RHOT2: variants seen among roughly 807,000 people sequenced by gnomAD.
The protein encoded by RHOT2 is ras homolog family member T2.
In RHOT2, 90 loss-of-function variants were observed where a neutral mutation model predicts 81.6. The ratio of observed to expected loss-of-function variants is 1.10; its 90% CI spans 0.93 to 1.31. The LOEUF (loss-of-function observed/expected upper bound fraction) is 1.31. RHOT2 is among the 40% of genes most tolerant of loss of function. The pLI, the probability that RHOT2 is intolerant of heterozygous loss-of-function variation, is 0.00. For synonymous variants in RHOT2, 512 were observed against 370.9 expected (o/e 1.38, Z -4.37); for missense variants, 1,014 against 841.9 (o/e 1.20, Z -2.53).
chr16:669,258 T>G (rs7202316), intron 4 of RHOT2: 17 of 522,672 alleles, frequency 3.3e-5, no homozygotes, highest in Non-Finnish European at 5.9e-5. Context: ...AGGGTCTTGC[T>G]GACCACAGTT....
At chr16:669,437 C>G in intron 4 of RHOT2, 116 bp from the exon 5 acceptor site, 1 of 994,122 alleles carries the variant, frequency 1.0e-6, no homozygotes. Context: ...GAGCTGCACC[C>G]ATGCTACCTG....
At chr16:673,318 G>C in intron 18 of RHOT2, 162 bp from the exon 19 acceptor site, 5 of 1,259,730 alleles carry the variant, frequency 4.0e-6, no homozygotes, top group Non-Finnish European at 5.7e-6. Context: ...GAGGGAGGCA[G>C]TGCCCAGGCA....
In RHOT2 at chr16:670,336, C is replaced by A. The variant is rs137860511; in HGVS notation, c.417C>A (p.Pro139=). ...TGCTCCCCATCATGAGCCAGTTTCC[C>A]GAGATTGAGACCTGCGTGGAGGTGA... The part of the protein sequence containing the change: ...EAVLPIMSQF[P]EIETCVECSA... The change falls in exon 7 of 19, where the codon CCC becomes CCA. Residue 139 remains proline (P), a synonymous_variant. Coordinates refer to ENST00000315082, the MANE Select transcript of RHOT2 (RefSeq NM_138769.3). 5.0e-6 allele frequency: 8 copies of A among 1,612,728 alleles called. No individual in the cohort carries two copies. The highest frequency in any genetic ancestry group is 6.8e-6 in the Non-Finnish European group (8 of 1,179,940).
In RHOT2 at chr16:668,165, G is replaced by T; in HGVS notation, c.-35G>T. 1 of 448,900 alleles carries T rather than the reference G, an allele frequency of 2.2e-6. No homozygotes were observed. The highest frequency in any genetic ancestry group is 3.3e-5 in the East Asian group (1 of 30,120). 27.8% of individuals were successfully genotyped at this position (448,900 alleles called of 1,614,324 possible). On this transcript the variant is annotated 5_prime_UTR_variant, in exon 1 of 19. Coordinates refer to ENST00000315082, the MANE Select transcript of RHOT2 (RefSeq NM_138769.3). Reference sequence around the variant, plus strand: ...AGGCTTGAGGACCAGGTCGGGGCCGGGTTCCGGGTCGGGGAGCGGCTCCGG... The same window carrying T: ...AGGCTTGAGGACCAGGTCGGGGCCGTGTTCCGGGTCGGGGAGCGGCTCCGG...
rs1373522390 is a variant in RHOT2, at chr16:672,282, G to A, written c.1224G>A (p.Glu408=). ...CTCGTGAGAAGAGGCTGGACCAGGA[G>A]AAGGGACAGACGCAGCGGAGCGTCC... ...TVTREKRLDQ[E]KGQTQRSVLL... The change falls in exon 15 of 19, where the codon GAG becomes GAA. Residue 408 remains glutamate, a synonymous_variant. Transcript: ENST00000315082. 3.7e-6 allele frequency: 6 copies of A among 1,612,146 alleles called. No individual in the cohort carries two copies. The highest frequency in any genetic ancestry group is 3.3e-5 in the South Asian group (3 of 91,022).
intron 16 of RHOT2, 59 bp downstream of exon 16, chr16:672,625 G>A (rs1243189353): frequency 2.5e-6 from 4 of 1,609,720 alleles, no homozygotes; most frequent in Non-Finnish European, 3.4e-6. Context: ...ACCCAGGCCT[G>A]CCTGGCAGAT....
rs776447505 is a variant in RHOT2, at chr16:670,966, G to T, written c.714G>T (p.Ala238=). 2 of 1,569,294 alleles carry T rather than the reference G, an allele frequency of 1.3e-6. No individual in the cohort carries two copies. The highest frequency in any genetic ancestry group is 4.5e-5 in the East Asian group (2 of 44,422). ...DVKTVVCRNV[A]GGVREDRLTL... is the part of the protein sequence containing the mutation. ...AGACGGTGGTGTGCAGGAACGTGGC[G>T]GGCGGCGTGCGGGAGGACCGGCTGA... Residue 238 remains alanine, a synonymous_variant, in exon 10 of 19, where the codon GCG becomes GCT. Coordinates refer to ENST00000315082, the MANE Select transcript of RHOT2 (RefSeq NM_138769.3).
rs1359544973 is a variant in RHOT2 at position 668,402 on chromosome 16, C to T, written c.87C>T (p.Phe29=). The change falls in exon 2 of 19, where the codon TTC becomes TTT. Residue 29 remains phenylalanine, a synonymous_variant. Coordinates refer to ENST00000315082, the MANE Select transcript of RHOT2 (RefSeq NM_138769.3). ...TCCTGTCCCTGGTGGGCGAGGAGTT[C>T]CCCGAGGAGGTAAGGGGCACGCCCG... ...SLILSLVGEE[F]PEEVPPRAEE... 2 of 1,487,808 alleles carry T rather than the reference C, an allele frequency of 1.3e-6. No homozygotes were observed. Among genetic ancestry groups the T allele is most frequent in the East Asian group, 5.0e-5 (2 of 39,686 alleles). 92.2% of individuals were successfully genotyped at this position (1,487,808 alleles called of 1,614,324 possible). A position where few individuals can be genotyped will look rare whatever the true frequency, so the allele number is the denominator to read the frequency against.
intron 5 of RHOT2, 132 bp from the exon 6 acceptor site, chr16:669,991 C>T (rs1371884695): frequency 3.8e-6 from 3 of 796,838 alleles, no homozygotes; most frequent in Non-Finnish European, 5.8e-6. Context: ...AGCTTTGTTC[C>T]TGTGGCCGGG....
chr16:671,521 G>C (rs561803886), intron 11 of RHOT2, among the ~76,000 whole-genome samples, 176 bp from the exon 12 acceptor site: 1 of 152,164 alleles, frequency 6.6e-6, no homozygotes, highest in Non-Finnish European at 1.5e-5. Context: ...CCACGTGCTG[G>C]AGCCAGGTGG....
Position 672,563 on chromosome 16 carries a change from G to A in RHOT2, c.1401G>A (p.Leu467=), listed in dbSNP as rs200387665. 32 of 1,612,552 alleles carry A rather than the reference G, an allele frequency of 2.0e-5. 1 individual carries two copies. In the African/African-American group the frequency reaches 2.0e-4, roughly 10 times the overall value. The change falls in exon 16 of 19, where the codon TTG becomes TTA. Residue 467 remains leucine (L), a synonymous_variant. Coordinates refer to ENST00000315082, the MANE Select transcript of RHOT2 (RefSeq NM_138769.3). ...AGGTCAATGGACAGGAGAAGTACTT[G>A]ATCGTGAGTGCTGGGGCGGCGCGGC... ...TVQVNGQEKY[L]ILCEVGTDGL...
Position 670,160 on chromosome 16 carries a change from C to T in RHOT2, c.314C>T (p.Thr105Ile). ...TGGATCCCACTGGTGAATGGGGGGA[C>T]CACGCAGGGGCCCAGGTAATGAGGG... is the stretch of plus-strand genomic sequence containing the variant. ...TKWIPLVNGG[T>I]TQGPRVPIIL... The change falls in exon 6 of 19, where the codon ACC becomes ATC. Residue 105 changes from threonine to isoleucine, a missense_variant. By Grantham distance (89) the Thr-to-Ile change is moderately conservative. Coordinates refer to ENST00000315082, the MANE Select transcript of RHOT2 (RefSeq NM_138769.3). 2 of 1,594,022 alleles carry T rather than the reference C, an allele frequency of 1.3e-6. No homozygotes were observed. The highest frequency in any genetic ancestry group is 8.5e-7 in the Non-Finnish European group (1 of 1,171,256).
chr16:669,879 G>A (rs917494074), intron 5 of RHOT2: 13 of 613,016 alleles, frequency 2.1e-5, no homozygotes, highest in Middle Eastern at 4.4e-4. Flanking sequence ...GAGGGCCTGC[G>A]TTGGGGGCGG....
rs1343726661 is a variant in RHOT2, at chr16:673,579, C to T, written c.1830C>T (p.Leu610=). 6.2e-7 allele frequency: 1 copy of T among 1,611,230 alleles called. No individual in the cohort carries two copies. Among genetic ancestry groups the T allele is most frequent in the South Asian group, 1.1e-5 (1 of 91,010 alleles). ...AAVAAVLSFS[L]YRVLVKSQ is the part of the protein sequence containing the mutation. Reference sequence around the variant, plus strand: ...TGGCCGCAGTCCTCAGCTTCTCACTCTACAGGGTCCTGGTGAAGAGCCAGT... The same window carrying T: ...TGGCCGCAGTCCTCAGCTTCTCACTTTACAGGGTCCTGGTGAAGAGCCAGT... Residue 610 remains leucine (L), a synonymous_variant, in exon 19 of 19, where the codon CTC becomes CTT. Transcript: ENST00000315082.
At chr16:670,203 G>T (rs759869132) in intron 6 of RHOT2, 28 bp downstream of exon 6, 15 of 1,611,158 alleles carry the variant, frequency 9.3e-6, no homozygotes, top group Admixed American at 6.7e-5. Context: ...AAGGGGCTGG[G>T]ACCCCTGGCT....
chr16:670,211 G>C (rs957801375), intron 6 of RHOT2, 36 bp downstream of exon 6: 14 of 1,611,180 alleles, frequency 8.7e-6, no homozygotes, highest in Non-Finnish European at 1.2e-5. Context: ...GGGACCCCTG[G>C]CTCCCCTGCC....
rs1370170734 is a variant in RHOT2 at position 668,660 on chromosome 16, C to T, written c.183C>T (p.Ala61=). Residue 61 remains alanine, a synonymous_variant, in exon 4 of 19, where the codon GCC becomes GCT. Transcript: ENST00000315082. Reference sequence around the variant, plus strand: ...GGAGTCTCTTTGTCCCCCTAGAAGCCGAGCAGACGGACGAGGAGCTGCGGG... The same window carrying T: ...GGAGTCTCTTTGTCCCCCTAGAAGCTGAGCAGACGGACGAGGAGCTGCGGG... ...VPTHIVDYSE[A]EQTDEELREE... 2.5e-6 allele frequency: 4 copies of T among 1,606,096 alleles called. No individual in the cohort carries two copies. Among genetic ancestry groups the T allele is most frequent in the East Asian group, 2.3e-5 (1 of 44,168 alleles).
At chr16:670,613 G>C (rs2038760509) in intron 8 of RHOT2, 56 bp downstream of exon 8, 1 of 1,602,212 alleles carries the variant, frequency 6.2e-7, no homozygotes, top group Non-Finnish European at 8.5e-7. Context: ...GGGGGTGCTG[G>C]GTGGGGCGGT....
At position 671,065 on chromosome 16, in the gene RHOT2, T is replaced by C; in HGVS notation, c.749-18T>C. 2 of 1,608,370 alleles carry C rather than the reference T, an allele frequency of 1.2e-6. No individual in the cohort carries two copies. The highest frequency in any genetic ancestry group is 1.7e-6 in the Non-Finnish European group (2 of 1,179,512). On this transcript the variant is annotated intron_variant, in intron 10 of 18. Transcript: ENST00000315082. Reference sequence around the variant, plus strand: ...AGGGGGCTGTGCCTGGTGCTCCCCCTGCTTTGTCTCGGTGCAGGTTTCCTC... The same window carrying C: ...AGGGGGCTGTGCCTGGTGCTCCCCCCGCTTTGTCTCGGTGCAGGTTTCCTC...
Sources: gnomAD v4.1 joint callset for allele counts (sites outside exome capture counted in the v4.1 genomes callset) on GRCh38, gnomAD v4.1.1 for gene constraint, MANE v1.5 for transcripts, NCBI Gene and HGNC (gene_info 2026-07-23, HGNC 2026-07-21) for gene names.